MECOM: variants seen among roughly 807,000 people sequenced by gnomAD.
The protein encoded by MECOM is histone-lysine N-methyltransferase MECOM.
In MECOM, 13 loss-of-function variants were observed where a neutral mutation model predicts 116.3. The observed-to-expected ratio is 0.11, with a 90% CI of 0.07 to 0.18. The LOEUF is 0.18. Ranked by LOEUF, MECOM falls within the 10% of genes least tolerant of loss-of-function variation. The probability of loss-of-function intolerance (pLI) is 1.00; values close to 1 mark genes in which losing one functional copy is unlikely to be tolerated. For missense variants in MECOM, 1,299 were observed against 1,509.0 expected (o/e 0.86, Z 2.31); for synonymous variants, 528 against 535.2 (o/e 0.99, Z 0.19).
chr3:169,483,013 T>C (rs1751565009), intron 1 of MECOM, among the ~76,000 whole-genome samples: 2 of 152,156 alleles, frequency 1.3e-5, no homozygotes, highest in Admixed American at 1.3e-4. Flanking sequence ...CTTTGGTCCA[T>C]ATTTTCCACT....
chr3:169,279,578 A>G (rs1048658643), intron 2 of MECOM, among the ~76,000 whole-genome samples: 1 of 152,226 alleles, frequency 6.6e-6, no homozygotes, highest in Non-Finnish European at 1.5e-5. Flanking sequence ...AGAGAATTTC[A>G]TTCCTGAAAA....
At chr3:169,430,780 T>C (rs1397457461) in intron 1 of MECOM, among the ~76,000 whole-genome samples, 2 of 152,160 alleles carry the variant, frequency 1.3e-5, no homozygotes, top group African/African-American at 4.8e-5. Flanking sequence ...TACCAATCAT[T>C]AGATAACAAG....
intron 14 of MECOM, among the ~76,000 whole-genome samples, chr3:169,090,921 A>C (rs1719506282): frequency 6.6e-6 from 1 of 152,040 alleles, no homozygotes; most frequent in Admixed American, 6.6e-5. Context: ...TACCCCCATC[A>C]CTTTCCCACA....
intron 1 of MECOM, among the ~76,000 whole-genome samples, chr3:169,482,578 C>G (rs1292076838): frequency 3.3e-5 from 5 of 152,060 alleles, no homozygotes; most frequent in Admixed American, 6.5e-5. Flanking sequence ...TCGTGATCCG[C>G]CCGCCTCGGC....
At chr3:169,227,454 G>A (rs1318330361) in intron 2 of MECOM, among the ~76,000 whole-genome samples, 1 of 152,114 alleles carries the variant, frequency 6.6e-6, no homozygotes, top group Non-Finnish European at 1.5e-5. Context: ...GCCCTATAGA[G>A]TAAATGTTTC....
chr3:169,403,422 A>T (rs1246070664), intron 1 of MECOM, among the ~76,000 whole-genome samples: 2 of 152,222 alleles, frequency 1.3e-5, no homozygotes, highest in East Asian at 3.8e-4. Flanking sequence ...TGGGTGCAAT[A>T]GACACCAATA....
In MECOM at chr3:169,144,848, A is replaced by C. The variant is rs1739279975; in HGVS notation, c.376-1016T>G. ...AGACTAAGCAATATACCTAGAACAA[A>C]AATTATTGAATTAAATAACTCCTAC... On this transcript the variant is annotated intron_variant, in intron 2 of 16. Transcript: ENST00000651503. 1.2e-5 allele frequency: 8 copies of C among 657,164 alleles called. No individual in the cohort carries two copies. In the South Asian group the frequency reaches 1.4e-4, roughly 12 times the overall value. 40.7% of individuals were successfully genotyped at this position (657,164 alleles called of 1,614,324 possible).
At chr3:169,662,427 G>T (rs1776407993) in intron 1 of MECOM, among the ~76,000 whole-genome samples, 1 of 152,214 alleles carries the variant, frequency 6.6e-6, no homozygotes, top group African/African-American at 2.4e-5. Context: ...CTCCTAGGCT[G>T]CCGCCGCTGG....
chr3:169,567,498 CT>C (rs1263793632), intron 1 of MECOM, among the ~76,000 whole-genome samples: 1 of 152,094 alleles, frequency 6.6e-6, no homozygotes, highest in African/African-American at 2.4e-5. Flanking sequence ...TAATATTGCC[CT>C]GAATAGGAGA....
chr3:169,294,444 C>A (rs1028404951), intron 2 of MECOM, among the ~76,000 whole-genome samples: 5 of 152,214 alleles, frequency 3.3e-5, no homozygotes, highest in African/African-American at 4.8e-5. Context: ...GGCGTAAGGT[C>A]ACAAACAAAG....
intron 8 of MECOM, among the ~76,000 whole-genome samples, chr3:169,113,332 C>T (rs992989553): frequency 4.6e-5 from 7 of 151,658 alleles, no homozygotes; most frequent in Non-Finnish European, 8.8e-5. Context: ...AAGGGCATTT[C>T]CAAGCATATA....
chr3:169,438,957 A>G (rs1469719641), intron 1 of MECOM, among the ~76,000 whole-genome samples: 4 of 152,152 alleles, frequency 2.6e-5, no homozygotes, highest in Non-Finnish European at 4.4e-5. Flanking sequence ...AAGACCTACA[A>G]ATTACTACCC....
At position 169,599,382 on chromosome 3, in the gene MECOM, C is replaced by T. The variant is rs565515389; in HGVS notation, c.37+63954G>A. Among the ~76,000 whole-genome samples the T allele has an allele frequency of 2.8e-4, 43 of 152,040 alleles. No homozygotes were observed. In the East Asian group the frequency reaches 3.9e-3, roughly 14 times the overall value. On this transcript the variant is annotated intron_variant, in intron 1 of 16. Transcript: ENST00000651503. Reference sequence around the variant, plus strand: ...TACAAAAATCAGCTGGGCGTGGTGGCGCATGCCTATAGTCCCAGCTACTCG... The same window carrying T: ...TACAAAAATCAGCTGGGCGTGGTGGTGCATGCCTATAGTCCCAGCTACTCG...
chr3:169,309,851 C>T (rs897687996), intron 2 of MECOM, among the ~76,000 whole-genome samples: 4 of 152,122 alleles, frequency 2.6e-5, no homozygotes, highest in Admixed American at 6.5e-5. Context: ...ACCTGTAAAG[C>T]GAGAGTGTGG....
At chr3:169,219,814 A>ATG (rs766973570) in intron 2 of MECOM, among the ~76,000 whole-genome samples, 2 of 149,306 alleles carry the variant, frequency 1.3e-5, no homozygotes, top group Non-Finnish European at 1.5e-5. Flanking sequence ...TAATAATAGC[A>ATG]TGTGTATATA....
At chr3:169,649,409 C>CAAAAAA (rs71634436) in intron 1 of MECOM, among the ~76,000 whole-genome samples, 2,449 of 74,350 alleles carry the variant, frequency 0.033, 308 homozygotes, top group African/African-American at 0.13. Flanking sequence ...AACTCCATCT[C>CAAAAAA]AAAAAAAAAA....
In MECOM at chr3:169,545,048, T is replaced by A. The variant is rs558745771; in HGVS notation, c.37+118288A>T. 5.6e-3 allele frequency among the ~76,000 whole-genome samples: 853 copies of A among 152,108 alleles called. 3 individuals are homozygous for A. The highest frequency in any genetic ancestry group is 7.9e-3 in the Non-Finnish European group (535 of 67,988). On this transcript the variant is annotated intron_variant, in intron 1 of 16. Transcript: ENST00000651503. ...AACTTAAAGTAAAATTTAAAAAAAA[T>A]TTTTTTAATTAAAAAAAAGAAAATG...
chr3:169,318,954 C>T (rs1204079645), intron 2 of MECOM, among the ~76,000 whole-genome samples: 1 of 151,988 alleles, frequency 6.6e-6, no homozygotes, highest in Non-Finnish European at 1.5e-5. Context: ...CAAAAATTAG[C>T]TGGGCATGGT....
chr3:169,527,606 C>T (rs1011728563), intron 1 of MECOM, among the ~76,000 whole-genome samples: 2 of 152,048 alleles, frequency 1.3e-5, no homozygotes, highest in Non-Finnish European at 2.9e-5. Context: ...CTTAATAATT[C>T]TGGCAGCCTG....
Sources: allele counts gnomAD v4.1 joint callset (sites outside exome capture counted in the v4.1 genomes callset), GRCh38; gene constraint gnomAD v4.1.1; transcripts MANE v1.5; gene names NCBI Gene and HGNC (gene_info 2026-07-23, HGNC 2026-07-21).